Variants in TNFAIP1 observed in about 807,000 individuals in gnomAD.
The protein encoded by TNFAIP1 is TNF alpha induced protein 1.
A neutral mutation model predicts 32.6 loss-of-function variants in TNFAIP1; 20 were observed. The observed-to-expected ratio is 0.61, with a 90% CI of 0.43 to 0.89. The LOEUF (loss-of-function observed/expected upper bound fraction) is 0.89. TNFAIP1 is among the 40% of genes least tolerant of loss of function. TNFAIP1 has a pLI of 0.00. For missense variants in TNFAIP1, 319 were observed against 425.1 expected, an observed-to-expected ratio of 0.75 and a Z score of 2.20; for synonymous variants, 166 against 166.8, an observed-to-expected ratio of 1.00 and a Z score of 0.04.
Position 28,342,072 on chromosome 17 carries a change from C to A in TNFAIP1, c.519-175C>A, listed in dbSNP as rs1029199833. Among the ~76,000 whole-genome samples the A allele has an allele frequency of 5.3e-5, 8 of 152,148 alleles. No homozygotes were observed. The highest frequency in any genetic ancestry group is 8.8e-5 in the Non-Finnish European group (6 of 68,016). ...CAACTGAGTTCCTTTTCCTCACAGG[C>A]CCCCCAACCCAGAGGGTACCCTATG... On this transcript the variant is annotated intron_variant, in intron 5 of 6. Transcript: ENST00000226225. The surrounding 1 kb of genome is among the most constrained non-coding windows in gnomAD (Gnocchi z 4.0).
In TNFAIP1 at chr17:28,340,396, G is replaced by A. The variant is rs140747015; in HGVS notation, c.293G>A (p.Arg98Gln). The A allele has an allele frequency of 5.3e-5, 86 of 1,614,012 alleles. No homozygotes were observed. The highest frequency in any genetic ancestry group is 6.7e-5 in the Non-Finnish European group (79 of 1,179,980). ...GACACCATCACCCTCCCTCAGAACCGGCAAGAAATCAAGGAATTGATGGCT... is the reference window on the plus strand; with the variant it reads ...GACACCATCACCCTCCCTCAGAACCAGCAAGAAATCAAGGAATTGATGGCT... ...RDDTITLPQN[R>Q]QEIKELMAEA... Residue 98 changes from arginine to glutamine, a missense_variant, in exon 3 of 7, where the codon CGG becomes CAG. By Grantham distance (43) the Arg-to-Gln change is conservative. Transcript: ENST00000226225. This position sits in a 1 kb window ranked among gnomAD's most constrained non-coding sequence, Gnocchi z 4.1.
chr17:28,342,177 C>A lies in TNFAIP1; in HGVS notation c.519-70C>A. ...GGGGGAAGGGAGGGAGGGGAGGGCC[C>A]CACTTGTCTAGCACCCTCCCTTGGA... On this transcript the variant is annotated intron_variant, in intron 5 of 6. Coordinates refer to ENST00000226225, the MANE Select transcript of TNFAIP1 (RefSeq NM_021137.5). The surrounding 1 kb of genome is among the most constrained non-coding windows in gnomAD (Gnocchi z 4.0). The A allele has an allele frequency of 7.3e-7, 1 of 1,376,172 alleles. No homozygotes were observed. The highest frequency in any genetic ancestry group is 2.4e-5 in the East Asian group (1 of 41,504). The allele number at this position is 1,376,172 out of a possible 1,614,324, so 85.2% of individuals were successfully genotyped here. A position where few individuals can be genotyped will look rare whatever the true frequency, so the allele number is the denominator to read the frequency against.
intron 6 of TNFAIP1, 47 bp from the exon 7 acceptor site, chr17:28,344,317 C>T: frequency 1.3e-6 from 2 of 1,549,332 alleles, no homozygotes; most frequent in East Asian, 4.5e-5. Context: ...GCATGGCTTC[C>T]TCTTGAAGAT....
chr17:28,339,246 A>T (rs1394136517), intron 1 of TNFAIP1, among the ~76,000 whole-genome samples, 162 bp from the exon 2 acceptor site: 1 of 151,060 alleles, frequency 6.6e-6, no homozygotes, highest in Non-Finnish European at 1.5e-5. Context: ...TCTAAGAAAA[A>T]AAAAAAAAAA....
intron 1 of TNFAIP1, among the ~76,000 whole-genome samples, chr17:28,338,001 TTCTC>T (rs1287013729): frequency 2.6e-5 from 4 of 152,258 alleles, no homozygotes; most frequent in Non-Finnish European, 5.9e-5. Flanking sequence ...AATGCTAGCT[TTCTC>T]TCTTTTTAAA....
chr17:28,341,432 G>A lies in TNFAIP1; in HGVS notation c.494G>A (p.Ser165Asn), dbSNP rs782162965. ...KPVVKLLYNR[S>N]NNKYSYTSNS... ...GTGGTGAAGCTGCTGTACAACAGAAGCAACAACAAGTATTCCTACACCAGG... is the reference window on the plus strand; with the variant it reads ...GTGGTGAAGCTGCTGTACAACAGAAACAACAACAAGTATTCCTACACCAGG... Residue 165 changes from serine (S) to asparagine (N), a missense_variant, in exon 5 of 7, where the codon AGC (serine) becomes AAC (asparagine). Ser to Asn is a conservative substitution (Grantham distance 46, BLOSUM62 1). Coordinates refer to ENST00000226225, the MANE Select transcript of TNFAIP1 (RefSeq NM_021137.5). 6.2e-6 allele frequency: 10 copies of A among 1,614,112 alleles called. No homozygotes were observed. The highest frequency in any genetic ancestry group is 1.7e-6 in the Non-Finnish European group (2 of 1,180,054).
rs1555578310 is a variant in TNFAIP1 at position 28,342,412 on chromosome 17, C to T, written c.684C>T (p.Ile228=). 7 of 1,589,534 alleles carry T rather than the reference C, an allele frequency of 4.4e-6. No homozygotes were observed. The East Asian group carries it at 1.1e-4, about 26-fold the overall frequency. The change falls in exon 6 of 7, where the codon ATC becomes ATT. Residue 228 remains isoleucine (I), a synonymous_variant. Coordinates refer to ENST00000226225, the MANE Select transcript of TNFAIP1 (RefSeq NM_021137.5). This position sits in a 1 kb window ranked among gnomAD's most constrained non-coding sequence, Gnocchi z 4.0. ...TGGCAGAGGTGTGCTGTACCTCCAT[C>T]GTGTATGCCACGGAGAAGAAGCAGA... ...RKLAEVCCTS[I]VYATEKKQTK...
In TNFAIP1 at chr17:28,337,417, A is replaced by G. The variant is rs75686763; in HGVS notation, c.-115+1561A>G. Among the ~76,000 whole-genome samples, 322 of 152,132 alleles carry G rather than the reference A, an allele frequency of 2.1e-3. 3 individuals carry two copies. The highest frequency in any genetic ancestry group is 7.3e-3 in the African/African-American group (302 of 41,484). ...TCCTCAAACTTGTTTTAATTTTGTCATTGTTGAGATGAGATTTCCCTATGT... is the reference window on the plus strand; with the variant it reads ...TCCTCAAACTTGTTTTAATTTTGTCGTTGTTGAGATGAGATTTCCCTATGT... On this transcript the variant is annotated intron_variant, in intron 1 of 6. Coordinates refer to ENST00000226225, the MANE Select transcript of TNFAIP1 (RefSeq NM_021137.5).
intron 1 of TNFAIP1, among the ~76,000 whole-genome samples, chr17:28,338,730 G>A (rs1193082664): frequency 2.0e-5 from 3 of 152,004 alleles, no homozygotes; most frequent in Non-Finnish European, 4.4e-5. Context: ...GGAAGTCTGG[G>A]ATCCTGGGAA....
Position 28,340,606 on chromosome 17 carries a change from A to T in TNFAIP1, c.375+128A>T. 9.1e-7 allele frequency: 1 copy of T among 1,093,852 alleles called. No homozygotes were observed. The highest frequency in any genetic ancestry group is 1.6e-5 in the African/African-American group (1 of 63,886). The allele number at this position is 1,093,852 out of a possible 1,614,324, so 67.8% of individuals were successfully genotyped here. On this transcript the variant is annotated intron_variant, in intron 3 of 6. Coordinates refer to ENST00000226225, the MANE Select transcript of TNFAIP1 (RefSeq NM_021137.5). The surrounding 1 kb of genome is among the most constrained non-coding windows in gnomAD (Gnocchi z 4.1). ...GGTTGATGAGTGCAAACCTAATGAG[A>T]CAAGTGAGATGCCACCCAGGCCCAC...
rs753864357 is a variant in TNFAIP1 at position 28,340,186 on chromosome 17, G to A, written c.206-123G>A. On this transcript the variant is annotated intron_variant, in intron 2 of 6. Transcript: ENST00000226225. The surrounding 1 kb of genome is among the most constrained non-coding windows in gnomAD (Gnocchi z 4.1). ...TCCATCCCCGCCTCTGTCACCCTGC[G>A]TAAGGGCTTTGTGCTCGTGGACCCC... 1.6e-4 allele frequency: 158 copies of A among 999,044 alleles called. 2 individuals are homozygous for A. Among genetic ancestry groups the A allele is most frequent in the South Asian group, 1.3e-3 (90 of 66,950 alleles). The allele number at this position is 999,044 out of a possible 1,614,324, so 61.9% of individuals were successfully genotyped here.
chr17:28,338,930 A>G (rs1489256934), intron 1 of TNFAIP1, among the ~76,000 whole-genome samples: 2 of 151,888 alleles, frequency 1.3e-5, no homozygotes, highest in East Asian at 3.9e-4. Context: ...GGTTCCTGCT[A>G]TAGTAAAAAT....
chr17:28,336,292 C>G (rs1159407071), intron 1 of TNFAIP1, among the ~76,000 whole-genome samples: 2 of 152,126 alleles, frequency 1.3e-5, no homozygotes, highest in African/African-American at 4.8e-5. Context: ...CCGCCCTTAG[C>G]CCCGGGCATC....
At chr17:28,341,087 C>T in intron 3 of TNFAIP1, 150 bp from the exon 4 acceptor site, 1 of 791,540 alleles carries the variant, frequency 1.3e-6, no homozygotes, top group East Asian at 2.6e-5. Context: ...TTCCAGCTGG[C>T]AGTTTCTATT....
intron 1 of TNFAIP1, among the ~76,000 whole-genome samples, 177 bp downstream of exon 1, chr17:28,336,033 G>A (rs1907135014): frequency 1.3e-5 from 2 of 152,186 alleles, no homozygotes; most frequent in Non-Finnish European, 2.9e-5. Context: ...GTAGTGAGGA[G>A]TGGTCCGGGC....
At chr17:28,343,841 C>T (rs1229536148) in intron 6 of TNFAIP1, among the ~76,000 whole-genome samples, 1 of 152,076 alleles carries the variant, frequency 6.6e-6, no homozygotes, top group Admixed American at 6.5e-5. Flanking sequence ...CAGGTCATGC[C>T]GGTGACACAC....
chr17:28,343,167 A>G (rs949572175), intron 6 of TNFAIP1, among the ~76,000 whole-genome samples: 1 of 152,202 alleles, frequency 6.6e-6, no homozygotes, highest in African/African-American at 2.4e-5. Context: ...TAATAATAAA[A>G]TAAAATCTCC....
chr17:28,343,850 A>G (rs1438274146), intron 6 of TNFAIP1, among the ~76,000 whole-genome samples: 1 of 151,982 alleles, frequency 6.6e-6, no homozygotes, highest in African/African-American at 2.4e-5. Flanking sequence ...CCGGTGACAC[A>G]CTGCGTCAGG....
chr17:28,337,650 G>T (rs555938949), intron 1 of TNFAIP1, among the ~76,000 whole-genome samples: 26 of 152,178 alleles, frequency 1.7e-4, no homozygotes, highest in Admixed American at 1.7e-3. Context: ...TTACAGGTGT[G>T]AGCCACCACA....
Sources: gnomAD v4.1 joint callset for allele counts (sites outside exome capture counted in the v4.1 genomes callset) on GRCh38, gnomAD v4.1.1 for gene constraint, Gnocchi (gnomAD v3.1) non-coding constraint, MANE v1.5 for transcripts, NCBI Gene and HGNC (gene_info 2026-07-23, HGNC 2026-07-21) for gene names.